Variants in PRKN observed in about 807,000 individuals in gnomAD.
PRKN encodes parkin RBR E3 ubiquitin protein ligase, also known as E3 ubiquitin-protein ligase parkin.
PRKN carries 56 observed loss-of-function variants against 59.5 expected under a neutral mutation model. The ratio of observed to expected loss-of-function variants is 0.94; its 90% CI spans 0.76 to 1.18. PRKN has a LOEUF of 1.18. PRKN is among the 50% of genes most tolerant of loss of function. The pLI, the probability that PRKN is intolerant of heterozygous loss-of-function variation, is 0.00. For missense variants in PRKN, 657 were observed against 596.4 expected (o/e 1.10, Z -1.06); for synonymous variants, 250 against 222.1 (o/e 1.13, Z -1.12).
At chr6:161,883,518 G>A (rs1323054865) in intron 6 of PRKN, among the ~76,000 whole-genome samples, 7 of 150,324 alleles carry the variant, frequency 4.7e-5, no homozygotes, top group Admixed American at 4.0e-4. Flanking sequence ...GGTGGGGAGG[G>A]GAGGGGAGGG....
chr6:162,677,372 C>T (rs991891183), intron 1 of PRKN, among the ~76,000 whole-genome samples: 5 of 147,012 alleles, frequency 3.4e-5, no homozygotes, highest in African/African-American at 1.0e-4. Context: ...AAAATTATTT[C>T]ATTATCTCCA....
chr6:162,054,092 GCACTA>G lies in PRKN; in HGVS notation c.612_616del (p.Ser205ArgfsTer5), dbSNP rs752857056. ...GAATGAATGTGACCAGGTACTTACTGCACTAGTCCCAGGGCAGTGTGGGGATTGGC... is the reference window on the plus strand; with the variant it reads ...GAATGAATGTGACCAGGTACTTACTGGTCCCAGGGCAGTGTGGGGATTGGC... On this transcript the variant is annotated frameshift_variant and splice_region_variant, in exon 5 of 12. Coordinates refer to ENST00000366898, the MANE Select transcript of PRKN (RefSeq NM_004562.3). LOFTEE classifies it high-confidence loss of function. 1 of 1,590,364 alleles carries G rather than the reference GCACTA, an allele frequency of 6.3e-7. No individual in the cohort carries two copies. Among genetic ancestry groups the G allele is most frequent in the Non-Finnish European group, 8.6e-7 (1 of 1,158,180 alleles).
At chr6:161,762,081 AC>A (rs1789227131) in intron 7 of PRKN, among the ~76,000 whole-genome samples, 1 of 152,174 alleles carries the variant, frequency 6.6e-6, no homozygotes, top group African/African-American at 2.4e-5. Flanking sequence ...GGCTGAAAAA[AC>A]AACAGGCACA....
chr6:162,498,393 C>CGTTTT (rs764615185), intron 1 of PRKN, among the ~76,000 whole-genome samples: 1 of 21,582 alleles, frequency 4.6e-5, no homozygotes, highest in Admixed American at 5.5e-4. Context: ...TCTTTCTTTC[C>CGTTTT]TTTTTTTTTT....
intron 7 of PRKN, among the ~76,000 whole-genome samples, chr6:161,772,232 A>G (rs1015058380): frequency 1.3e-5 from 2 of 152,128 alleles, no homozygotes; most frequent in Non-Finnish European, 2.9e-5. Context: ...CCAGCCTCAG[A>G]TACACTTAAA....
intron 5 of PRKN, among the ~76,000 whole-genome samples, chr6:162,033,520 ATATT>A (rs1356941185): frequency 6.6e-6 from 1 of 152,174 alleles, no homozygotes; most frequent in African/African-American, 2.4e-5. Context: ...TAGATCAATG[ATATT>A]TAATGTTTAA....
At chr6:162,338,664 C>T (rs537838242) in intron 2 of PRKN, among the ~76,000 whole-genome samples, 5 of 152,186 alleles carry the variant, frequency 3.3e-5, no homozygotes, top group South Asian at 2.1e-4. Flanking sequence ...AGCCTCTGCC[C>T]GGCCGCCACC....
At chr6:161,705,675 T>A (rs1786458069) in intron 7 of PRKN, among the ~76,000 whole-genome samples, 1 of 152,186 alleles carries the variant, frequency 6.6e-6, no homozygotes, top group Non-Finnish European at 1.5e-5. Context: ...CTGCATTGAA[T>A]GAAAGTAAAG....
chr6:162,096,200 A>G (rs1779722858), intron 4 of PRKN, among the ~76,000 whole-genome samples: 1 of 152,116 alleles, frequency 6.6e-6, no homozygotes. Context: ...TTGTTTTACC[A>G]CAGATTAGGA....
intron 4 of PRKN, among the ~76,000 whole-genome samples, chr6:162,168,175 C>T (rs560406999): frequency 1.4e-4 from 22 of 152,176 alleles, no homozygotes; most frequent in African/African-American, 5.1e-4. Flanking sequence ...AAAAAAGTTG[C>T]GTATCCTTGT....
chr6:161,555,584 CTCCT>C (rs1780205832), intron 8 of PRKN, among the ~76,000 whole-genome samples: 1 of 152,132 alleles, frequency 6.6e-6, no homozygotes, highest in African/African-American at 2.4e-5. Flanking sequence ...ACCGGACTAT[CTCCT>C]TCCTTTTTTT....
rs2187202 is a variant in PRKN, at chr6:162,162,001, G to C, written c.534+39130C>G. Among the ~76,000 whole-genome samples the C allele has an allele frequency of 7.3e-3, 1,107 of 152,280 alleles. 16 individuals are homozygous for C. The highest frequency in any genetic ancestry group is 0.025 in the African/African-American group (1,055 of 41,560). On this transcript the variant is annotated intron_variant, in intron 4 of 11. Coordinates refer to ENST00000366898, the MANE Select transcript of PRKN (RefSeq NM_004562.3). ...TCTGTATCCACAGATTCAACCAAAA[G>C]AAACAAAATGATAAAAAAGTAATAA...
intron 6 of PRKN, among the ~76,000 whole-genome samples, chr6:161,793,109 C>G (rs908786978): frequency 2.0e-5 from 3 of 152,228 alleles, no homozygotes; most frequent in African/African-American, 7.2e-5. Context: ...AGCAACCCCC[C>G]TCACTGGAGA....
intron 1 of PRKN, among the ~76,000 whole-genome samples, chr6:162,476,960 G>A (rs572232064): frequency 1.3e-5 from 2 of 152,212 alleles, no homozygotes; most frequent in East Asian, 3.9e-4. Flanking sequence ...GTGGTGTCTG[G>A]CTGTAAAACT....
At chr6:161,876,050 G>A (rs538656289) in intron 6 of PRKN, among the ~76,000 whole-genome samples, 1 of 152,178 alleles carries the variant, frequency 6.6e-6, no homozygotes, top group East Asian at 1.9e-4. Context: ...TGCTTTTCCT[G>A]TTCATTAGCT....
intron 2 of PRKN, among the ~76,000 whole-genome samples, chr6:162,267,891 C>T (rs990603508): frequency 6.6e-6 from 1 of 151,858 alleles, no homozygotes; most frequent in Admixed American, 6.6e-5. Flanking sequence ...TTTTCTTTTT[C>T]CAAAAAGAAG....
chr6:162,705,773 T>C (rs1324261981), intron 1 of PRKN, among the ~76,000 whole-genome samples: 8 of 152,142 alleles, frequency 5.3e-5, no homozygotes, highest in Admixed American at 3.3e-4. Context: ...GTCAGCCCTG[T>C]AGGAAGGTAA....
intron 6 of PRKN, among the ~76,000 whole-genome samples, chr6:161,805,901 T>C (rs1024380983): frequency 6.6e-6 from 1 of 152,078 alleles, no homozygotes; most frequent in African/African-American, 2.4e-5. Flanking sequence ...ATGCAGCAAG[T>C]CCACGTACAC....
chr6:162,009,399 A>G (rs1042309517), intron 5 of PRKN, among the ~76,000 whole-genome samples: 1 of 151,936 alleles, frequency 6.6e-6, no homozygotes, highest in Admixed American at 6.6e-5. Flanking sequence ...ATCAAACTGC[A>G]TAAGCTAATG....
Sources: allele counts gnomAD v4.1 joint callset (sites outside exome capture counted in the v4.1 genomes callset), GRCh38; gene constraint gnomAD v4.1.1; transcripts MANE v1.5; gene names NCBI Gene and HGNC (gene_info 2026-07-23, HGNC 2026-07-21).